The following ARMC2 variants were observed in gnomAD, a reference collection of about 807,000 sequenced individuals.
ARMC2 encodes the protein armadillo repeat-containing protein 2.
ARMC2 carries 67 observed loss-of-function variants against 90.3 expected under a neutral mutation model. That is an observed-to-expected ratio of 0.74 (90% CI 0.61 to 0.91). ARMC2 has a LOEUF of 0.91. ARMC2 is among the 40% of genes least tolerant of loss of function. ARMC2 has a pLI of 0.00. For synonymous variants in ARMC2, 393 were observed against 393.0 expected, an observed-to-expected ratio of 1.00 and a Z score of 0.00; for missense variants, 920 against 1,030.9, an observed-to-expected ratio of 0.89 and a Z score of 1.47.
At chr6:108,855,216 T>C (rs1774429401) in intron 2 of ARMC2, among the ~76,000 whole-genome samples, 2 of 152,188 alleles carry the variant, frequency 1.3e-5, no homozygotes. Flanking sequence ...TGTAAGTTTC[T>C]GTGTGGACAT....
At chr6:108,989,365 G>T in the ARMC2 span, among the ~76,000 whole-genome samples, 1 of 152,008 alleles carries the variant, frequency 6.6e-6, no homozygotes, top group African/African-American at 2.4e-5. Context: ...AATTACATTT[G>T]TTATTGGTAC....
At chr6:109,004,133 C>T in the ARMC2 span, among the ~76,000 whole-genome samples, 1 of 151,498 alleles carries the variant, frequency 6.6e-6, no homozygotes, top group Non-Finnish European at 1.5e-5. Context: ...CTTTACCCCA[C>T]AATAAATCAG....
At chr6:108,896,539 C>T (rs191883672) in intron 6 of ARMC2, among the ~76,000 whole-genome samples, 4 of 152,204 alleles carry the variant, frequency 2.6e-5, no homozygotes, top group Admixed American at 2.6e-4. Flanking sequence ...AGGCTGTAGC[C>T]AGACACAACT....
chr6:108,919,724 T>C (rs1379224634), intron 10 of ARMC2, among the ~76,000 whole-genome samples: 1 of 152,196 alleles, frequency 6.6e-6, no homozygotes, highest in Non-Finnish European at 1.5e-5. Flanking sequence ...CTTATCAAGA[T>C]ACAGAAGGTT....
At chr6:108,890,189 C>CAAAAAAAAAAAAAAAAAAAA (rs869186045) in intron 5 of ARMC2, among the ~76,000 whole-genome samples, 2 of 64,250 alleles carry the variant, frequency 3.1e-5, no homozygotes, top group African/African-American at 9.0e-5. Flanking sequence ...GACTCCGTCT[C>CAAAAAAAAAAAAAAAAAAAA]AAAAAAAAAA....
chr6:108,882,968 T>C (rs1462868265), intron 5 of ARMC2, among the ~76,000 whole-genome samples: 1 of 152,210 alleles, frequency 6.6e-6, no homozygotes, highest in Non-Finnish European at 1.5e-5. Flanking sequence ...CAAGAAAAAT[T>C]TGATATGGAA....
In ARMC2 at chr6:108,910,896, C is replaced by A. The variant is rs779468907; in HGVS notation, c.1024-3C>A. On this transcript the variant is annotated splice_region_variant and splice_polypyrimidine_tract_variant and intron_variant, in intron 8 of 17. Coordinates refer to ENST00000392644, the MANE Select transcript of ARMC2 (RefSeq NM_032131.6). ...CAATAGAGATGTGTTTCTTTCTCTG[C>A]AGCTTAAAGTGAGTAGAAAGAATCT... 4.1e-6 allele frequency: 6 copies of A among 1,464,386 alleles called. No individual in the cohort carries two copies. Among genetic ancestry groups the A allele is most frequent in the Non-Finnish European group, 5.6e-6 (6 of 1,077,282 alleles). 90.7% of individuals were successfully genotyped at this position (1,464,386 alleles called of 1,614,324 possible).
the ARMC2 span, chr6:108,998,882 T>G: frequency 8.5e-7 from 1 of 1,174,394 alleles, no homozygotes; most frequent in East Asian, 2.6e-5. Flanking sequence ...AATTATCATT[T>G]GAAACATGTA....
At chr6:108,855,869 T>A (rs1004256633) in intron 2 of ARMC2, among the ~76,000 whole-genome samples, 2 of 152,230 alleles carry the variant, frequency 1.3e-5, no homozygotes, top group Non-Finnish European at 2.9e-5. Context: ...TGGTCAGGTG[T>A]CTGTTAAGGT....
chr6:108,856,007 T>A (rs1774557805), intron 2 of ARMC2, among the ~76,000 whole-genome samples: 2 of 152,244 alleles, frequency 1.3e-5, no homozygotes, highest in African/African-American at 4.8e-5. Context: ...CAGCTTTTCT[T>A]CTTCTTCTCT....
the ARMC2 span, among the ~76,000 whole-genome samples, chr6:109,017,110 A>G: frequency 3.3e-5 from 5 of 152,154 alleles, no homozygotes; most frequent in African/African-American, 1.2e-4. Flanking sequence ...AATTTCGTCT[A>G]TAATTCAATA....
intron 13 of ARMC2, among the ~76,000 whole-genome samples, chr6:108,958,532 A>G (rs1242331073): frequency 6.6e-6 from 1 of 152,290 alleles, no homozygotes; most frequent in Non-Finnish European, 1.5e-5. Flanking sequence ...AGGTCAGACA[A>G]TAAGAGCTAC....
At chr6:109,039,106 A>G in the ARMC2 span, among the ~76,000 whole-genome samples, 2 of 148,426 alleles carry the variant, frequency 1.3e-5, no homozygotes, top group Admixed American at 6.7e-5. Context: ...GAGGGAGGAG[A>G]AGGAGAAGGA....
Position 108,858,281 on chromosome 6 carries a change from T to TTG in ARMC2, c.291+12_291+13dup. On this transcript the variant is annotated intron_variant, in intron 3 of 17. Transcript: ENST00000392644. ...TAGTCCACTAGAGCTGGTGAGTACT[T>TTG]TGTATAACCACCAGTAATTTATATT... The TTG allele has an allele frequency of 6.3e-7, 1 of 1,588,034 alleles. No homozygotes were observed. The highest frequency in any genetic ancestry group is 8.6e-7 in the Non-Finnish European group (1 of 1,159,518).
chr6:109,052,816 T>G, the ARMC2 span, among the ~76,000 whole-genome samples: 1 of 152,200 alleles, frequency 6.6e-6, no homozygotes, highest in Non-Finnish European at 1.5e-5. Flanking sequence ...AGTTCATTCA[T>G]TTGTCCCTAC....
chr6:108,890,919 C>G (rs1290044752), intron 5 of ARMC2, among the ~76,000 whole-genome samples: 10 of 146,470 alleles, frequency 6.8e-5, no homozygotes, highest in Non-Finnish European at 1.3e-4. Flanking sequence ...CCCCACCCCC[C>G]GACAGGCCCC....
rs774806989 is a variant in ARMC2, at chr6:108,965,082, G to T, written c.2388G>T (p.Ser796=). ...TCAGTGAAAACATCACTAATGCTTC[G>T]TCATGTTTTGGAAATGAAGACACCA... is the stretch of plus-strand genomic sequence containing the variant. The part of the protein sequence containing the change: ...WNFSENITNA[S]SCFGNEDTNT... The change falls in exon 17 of 18, where the codon TCG becomes TCT. Residue 796 remains serine, a synonymous_variant. Transcript: ENST00000392644. The T allele has an allele frequency of 5.0e-6, 8 of 1,613,630 alleles. No individual in the cohort carries two copies. The highest frequency in any genetic ancestry group is 6.8e-6 in the Non-Finnish European group (8 of 1,179,644).
chr6:108,951,084 T>G (rs1299551509), intron 12 of ARMC2, among the ~76,000 whole-genome samples: 1 of 152,230 alleles, frequency 6.6e-6, no homozygotes, highest in Non-Finnish European at 1.5e-5. Flanking sequence ...GATCTCACAG[T>G]AAGAATTTTG....
the ARMC2 span, among the ~76,000 whole-genome samples, chr6:109,027,476 C>CAAAAAAAA: frequency 7.3e-5 from 2 of 27,326 alleles, no homozygotes; most frequent in African/African-American, 1.2e-4. Context: ...GACTCTGTCT[C>CAAAAAAAA]AAAAAAAAAA....
Sources: allele counts gnomAD v4.1 joint callset (sites outside exome capture counted in the v4.1 genomes callset), GRCh38; gene constraint gnomAD v4.1.1; transcripts MANE v1.5; gene names NCBI Gene and HGNC (gene_info 2026-07-23, HGNC 2026-07-21).